SYBU: variants seen among roughly 807,000 people sequenced by gnomAD.
SYBU encodes syntabulin.
Under a neutral mutation model 35.9 loss-of-function variants are expected in SYBU, and 21 were observed. That is an observed-to-expected ratio of 0.58 (90% CI 0.41 to 0.84). The LOEUF (loss-of-function observed/expected upper bound fraction) is 0.84, where lower values mean the gene tolerates loss of function less well. SYBU is among the 40% of genes least tolerant of loss of function. The pLI is 0.00. For synonymous variants in SYBU, 319 were observed against 324.3 expected, an observed-to-expected ratio of 0.98 and a Z score of 0.18; for missense variants, 768 against 848.2, an observed-to-expected ratio of 0.91 and a Z score of 1.17.
At chr8:109,662,448 C>T (rs772276177) in intron 1 of SYBU, among the ~76,000 whole-genome samples, 14 of 152,234 alleles carry the variant, frequency 9.2e-5, no homozygotes, top group Admixed American at 3.3e-4. Flanking sequence ...CTCTCTGCTC[C>T]TCTCAAAAAC....
Position 109,663,262 on chromosome 8 carries a change from T to C in SYBU, c.-129+17449A>G, listed in dbSNP as rs73700919. The stretch of plus-strand genomic sequence containing the variant: ...TCAGTTTAATAAAAATACATACAGA[T>C]AGATAGATAGATAGATAGATAGATA... On this transcript the variant is annotated intron_variant, in intron 1 of 5. Coordinates refer to the SYBU transcript ENST00000408889. Among the ~76,000 whole-genome samples the C allele has an allele frequency of 9.3e-4, 74 of 79,422 alleles. 2 individuals carry two copies. In the Middle Eastern group the frequency reaches 0.036, roughly 38 times the overall value. The allele number at this position is 79,422 out of a possible 152,430, so 52.1% of individuals were successfully genotyped here. A position where few individuals can be genotyped will look rare whatever the true frequency, so the allele number is the denominator to read the frequency against.
chr8:109,629,564 T>C (rs1205967944), intron 2 of SYBU, among the ~76,000 whole-genome samples: 1 of 152,086 alleles, frequency 6.6e-6, no homozygotes, highest in African/African-American at 2.4e-5. Context: ...ATGGCTCCTT[T>C]AAGAATGAAA....
intron 1 of SYBU, among the ~76,000 whole-genome samples, chr8:109,690,027 T>C (rs1430225169): frequency 6.6e-6 from 1 of 150,376 alleles, no homozygotes; most frequent in East Asian, 2.0e-4. Context: ...GTTTCAATTA[T>C]GATATCACCT....
intron 6 of SYBU, 78 bp downstream of exon 6, chr8:109,577,790 C>T: frequency 1.4e-6 from 2 of 1,401,366 alleles, no homozygotes; most frequent in African/African-American, 2.9e-5. Flanking sequence ...TTCTATCTTT[C>T]TATAGTTTGG....
At chr8:109,586,031 T>C in intron 4 of SYBU, 29 bp downstream of exon 4, 1 of 1,556,870 alleles carries the variant, frequency 6.4e-7, no homozygotes. Context: ...GTAAAGCGTC[T>C]TAATTACAGA....
intron 1 of SYBU, chr8:109,643,224 G>T: frequency 9.2e-7 from 1 of 1,083,256 alleles, no homozygotes; most frequent in Non-Finnish European, 1.1e-6. Flanking sequence ...TCCCTATGCT[G>T]GTCCTGACTC....
intron 1 of SYBU, among the ~76,000 whole-genome samples, chr8:109,651,965 T>A (rs1358775194): frequency 2.0e-5 from 3 of 152,264 alleles, no homozygotes; most frequent in African/African-American, 7.2e-5. Flanking sequence ...GCATGATGAA[T>A]GCACAGACAC....
chr8:109,603,581 C>A, intron 3 of SYBU: 1 of 167,502 alleles, frequency 6.0e-6, no homozygotes, highest in African/African-American at 2.4e-5. Flanking sequence ...CCCTCTCCAG[C>A]CCACAATGTT....
intron 1 of SYBU, among the ~76,000 whole-genome samples, chr8:109,667,506 C>T (rs1472932937): frequency 1.5e-5 from 2 of 137,774 alleles, no homozygotes; most frequent in Admixed American, 1.4e-4. Context: ...TCAGTAGTGC[C>T]ACAAAAAAAA....
At position 109,672,427 on chromosome 8, in the gene SYBU, G is replaced by T. The variant is rs182503604; in HGVS notation, c.-129+8284C>A. Among the ~76,000 whole-genome samples the T allele has an allele frequency of 8.1e-4, 123 of 152,312 alleles. 1 individual carries two copies. The highest frequency in any genetic ancestry group is 2.8e-3 in the African/African-American group (118 of 41,580). On this transcript the variant is annotated intron_variant, in intron 1 of 5. Coordinates refer to the SYBU transcript ENST00000408889. ...ATTGCCTCACCTGGGAAGCGCAATGGGTTGGGGAACTCCCTGCCCTAGCTA... is the reference window on the plus strand; with the variant it reads ...ATTGCCTCACCTGGGAAGCGCAATGTGTTGGGGAACTCCCTGCCCTAGCTA...
At chr8:109,611,561 G>A (rs1811176141) in intron 3 of SYBU, among the ~76,000 whole-genome samples, 1 of 152,154 alleles carries the variant, frequency 6.6e-6, no homozygotes, top group Admixed American at 6.5e-5. Flanking sequence ...TATCCTAGGG[G>A]AGCATTCTTT....
chr8:109,608,296 G>T (rs1826274835), intron 3 of SYBU, among the ~76,000 whole-genome samples: 1 of 152,130 alleles, frequency 6.6e-6, no homozygotes, highest in African/African-American at 2.4e-5. Context: ...GGACAATATT[G>T]GACCAAAACG....
intron 3 of SYBU, among the ~76,000 whole-genome samples, chr8:109,599,054 T>A (rs1308281088): frequency 6.6e-6 from 1 of 152,114 alleles, no homozygotes; most frequent in Non-Finnish European, 1.5e-5. Context: ...TCACCCCCCA[T>A]CCCACCCAAA....
intron 3 of SYBU, among the ~76,000 whole-genome samples, chr8:109,605,180 A>G (rs780735198): frequency 9.2e-5 from 14 of 152,234 alleles, no homozygotes; most frequent in Admixed American, 2.0e-4. Context: ...CCATCAGAGC[A>G]TGTGCATGTG....
At chr8:109,657,855 C>A (rs1816412730) in intron 1 of SYBU, among the ~76,000 whole-genome samples, 2 of 152,132 alleles carry the variant, frequency 1.3e-5, no homozygotes, top group Non-Finnish European at 1.5e-5. Flanking sequence ...CATTTGTTGG[C>A]CATATATTTA....
At chr8:109,588,749 T>C (rs1207914893) in intron 3 of SYBU, among the ~76,000 whole-genome samples, 2 of 150,352 alleles carry the variant, frequency 1.3e-5, no homozygotes, top group African/African-American at 2.5e-5. Flanking sequence ...GCAACAAAGA[T>C]ACAAGGAAGG....
intron 1 of SYBU, among the ~76,000 whole-genome samples, chr8:109,652,130 G>A (rs959910629): frequency 1.5e-4 from 23 of 152,148 alleles, no homozygotes; most frequent in Admixed American, 1.4e-3. Context: ...ATAGAGACAC[G>A]GACATGACCA....
At chr8:109,608,417 C>T (rs1040457400) in intron 3 of SYBU, among the ~76,000 whole-genome samples, 3 of 152,058 alleles carry the variant, frequency 2.0e-5, no homozygotes, top group Non-Finnish European at 4.4e-5. Flanking sequence ...TGGCAAACAC[C>T]AAGCACTTTG....
At chr8:109,580,957 T>G (rs776720607) in intron 4 of SYBU, 1 of 152,270 alleles carries the variant, frequency 6.6e-6, no homozygotes, top group Non-Finnish European at 1.5e-5. Context: ...GTTCACCTGC[T>G]CCCTTCTCTA....
Sources: gnomAD v4.1 joint callset for allele counts (sites outside exome capture counted in the v4.1 genomes callset) on GRCh38, gnomAD v4.1.1 for gene constraint, MANE v1.5 for transcripts, NCBI Gene and HGNC (gene_info 2026-07-23, HGNC 2026-07-21) for gene names.